Variants in ADD3 observed in about 807,000 individuals in gnomAD.
ADD3 encodes the protein adducin 3, also known as gamma-adducin.
Under a neutral mutation model 80.2 loss-of-function variants are expected in ADD3, and 25 were observed. The ratio of observed to expected loss-of-function variants is 0.31; its 90% CI spans 0.23 to 0.44. The LOEUF is 0.44. Among genes scored for constraint, ADD3 ranks in the 20% least tolerant of loss-of-function variants. ADD3 has a pLI of 1.00. For missense variants in ADD3, 829 were observed against 847.5 expected, an observed-to-expected ratio of 0.98 and a Z score of 0.27; for synonymous variants, 284 against 289.6, an observed-to-expected ratio of 0.98 and a Z score of 0.20.
At chr10:110,118,961 T>C (rs550366743) in intron 6 of ADD3, among the ~76,000 whole-genome samples, 1 of 152,342 alleles carries the variant, frequency 6.6e-6, no homozygotes, top group South Asian at 2.1e-4. Context: ...AATTGGGTCA[T>C]TGAGTTTTTT....
chr10:110,033,574 G>A (rs1467604488), intron 1 of ADD3, among the ~76,000 whole-genome samples: 2 of 152,154 alleles, frequency 1.3e-5, no homozygotes, highest in African/African-American at 4.8e-5. Context: ...AATCAGATGG[G>A]CCCGTTTCTG....
chr10:110,133,642 T>G lies in ADD3; in HGVS notation c.*24T>G. 6.6e-7 allele frequency: 1 copy of G among 1,516,252 alleles called. No homozygotes were observed. Among genetic ancestry groups the G allele is most frequent in the Admixed American group, 2.1e-5 (1 of 47,292 alleles). The allele number at this position is 1,516,252 out of a possible 1,614,324, so 93.9% of individuals were successfully genotyped here. A position where few individuals can be genotyped will look rare whatever the true frequency, so the allele number is the denominator to read the frequency against. On this transcript the variant is annotated 3_prime_UTR_variant, in exon 15 of 15. Coordinates refer to ENST00000356080, the MANE Select transcript of ADD3 (RefSeq NM_016824.5). ...AAATAAAGTCTTTTTATAATTATTA[T>G]TATAACAATGTGACATTGCACATCT...
At chr10:110,095,274 AG>A (rs1293119934) in intron 1 of ADD3, among the ~76,000 whole-genome samples, 2 of 152,226 alleles carry the variant, frequency 1.3e-5, no homozygotes, top group Non-Finnish European at 2.9e-5. Context: ...TATACAATTC[AG>A]TGGTTTTTAA....
intron 1 of ADD3, among the ~76,000 whole-genome samples, chr10:110,033,716 C>G (rs974976752): frequency 2.4e-4 from 36 of 152,242 alleles, no homozygotes; most frequent in African/African-American, 6.7e-4. Context: ...GTATATAGTG[C>G]AAATACTTTG....
At chr10:110,118,526 T>C (rs1024388180) in intron 5 of ADD3, 61 bp from the exon 6 acceptor site, 25 of 1,480,472 alleles carry the variant, frequency 1.7e-5, no homozygotes, top group Non-Finnish European at 2.3e-5. Context: ...TGGTTTAGCT[T>C]GTGAAACACA....
intron 1 of ADD3, among the ~76,000 whole-genome samples, chr10:110,062,998 A>G (rs540244679): frequency 6.6e-6 from 1 of 152,306 alleles, no homozygotes; most frequent in East Asian, 1.9e-4. Context: ...GATTGTGATT[A>G]AGGGAAAAAA....
At chr10:110,015,641 T>C (rs1852888639) in intron 1 of ADD3, among the ~76,000 whole-genome samples, 1 of 152,276 alleles carries the variant, frequency 6.6e-6, no homozygotes, top group East Asian at 1.9e-4. Context: ...CCCAAAGTTC[T>C]GGGATTACAG....
At chr10:110,101,599 T>G (rs1214797169) in intron 2 of ADD3, among the ~76,000 whole-genome samples, 1 of 147,878 alleles carries the variant, frequency 6.8e-6, no homozygotes, top group Non-Finnish European at 1.5e-5. Context: ...ATCATGCCAC[T>G]GCATTCCAGC....
chr10:110,073,254 T>A (rs564718462), intron 1 of ADD3, among the ~76,000 whole-genome samples: 14 of 147,762 alleles, frequency 9.5e-5, no homozygotes, highest in African/African-American at 3.2e-4. Context: ...GCCATTCTCC[T>A]GCCTCAGCCT....
chr10:110,100,847 C>T lies in ADD3; in HGVS notation c.194C>T (p.Pro65Leu), dbSNP rs1848733740. 1 of 1,590,182 alleles carries T rather than the reference C, an allele frequency of 6.3e-7. No individual in the cohort carries two copies. Among genetic ancestry groups the T allele is most frequent in the East Asian group, 2.3e-5 (1 of 43,290 alleles). Reference protein sequence around the residue: ...RKRVTQILQSPAFREDLECLI... With the variant: ...RKRVTQILQSLAFREDLECLI... ...CGAGTTACTCAGATCCTGCAAAGTC[C>T]TGTGAGTTGAATTAGAAGGCTGTAA... The change falls in exon 2 of 15, where the codon CCT becomes CTT. Residue 65 changes from proline (P) to leucine (L), a missense_variant and splice_region_variant. Physicochemically the swap from Pro to Leu is moderately conservative, Grantham distance 98. Transcript: ENST00000356080.
intron 1 of ADD3, among the ~76,000 whole-genome samples, chr10:110,075,158 G>A (rs1845240729): frequency 6.6e-6 from 1 of 152,070 alleles, no homozygotes; most frequent in African/African-American, 2.4e-5. Context: ...CATACTGAGG[G>A]CATGTGGATT....
At chr10:110,125,973 G>T in intron 11 of ADD3, 28 bp downstream of exon 11, 1 of 1,574,708 alleles carries the variant, frequency 6.4e-7, no homozygotes, top group Non-Finnish European at 8.7e-7. Context: ...ATAGCCAGGG[G>T]AGACATTTTA....
rs75733261 is a variant in ADD3 at position 110,088,114 on chromosome 10, C to T, written c.-29-12511C>T. Among the ~76,000 whole-genome samples, 178 of 152,228 alleles carry T rather than the reference C, an allele frequency of 1.2e-3. 1 individual carries two copies. The highest frequency in any genetic ancestry group is 2.1e-3 in the Non-Finnish European group (141 of 68,000). Reference sequence around the variant, plus strand: ...ACTTTCCTCTTATAAAGATACTAGTCGTTGGATTTAGGACTCACCCTAATC... The same window carrying T: ...ACTTTCCTCTTATAAAGATACTAGTTGTTGGATTTAGGACTCACCCTAATC... On this transcript the variant is annotated intron_variant, in intron 1 of 14. Coordinates refer to ENST00000356080, the MANE Select transcript of ADD3 (RefSeq NM_016824.5).
intron 1 of ADD3, among the ~76,000 whole-genome samples, chr10:110,092,555 C>T (rs1378702239): frequency 6.6e-6 from 1 of 152,070 alleles, no homozygotes; most frequent in Non-Finnish European, 1.5e-5. Flanking sequence ...ACAATAGACA[C>T]CCGGTCTACT....
At chr10:110,009,891 A>G (rs1443360916) in intron 1 of ADD3, among the ~76,000 whole-genome samples, 3 of 152,246 alleles carry the variant, frequency 2.0e-5, no homozygotes, top group Non-Finnish European at 4.4e-5. Context: ...TACATTTTAC[A>G]TATATGATAT....
At chr10:110,040,915 GCTCTCTCTCTCTCGCT>G (rs759000473) in intron 1 of ADD3, among the ~76,000 whole-genome samples, 2,681 of 149,336 alleles carry the variant, frequency 0.018, 40 homozygotes, top group African/African-American at 0.041. Flanking sequence ...GCACGCACGC[GCTCTCTCTCTCTCGCT>G]CTCTCTCTCT....
chr10:110,072,468 G>A (rs1844850676), intron 1 of ADD3, among the ~76,000 whole-genome samples: 1 of 152,210 alleles, frequency 6.6e-6, no homozygotes, highest in Admixed American at 6.5e-5. Flanking sequence ...TATACCCAGG[G>A]AACAGACAGT....
chr10:110,106,303 GT>G lies in ADD3; in HGVS notation c.195+5467del, dbSNP rs574693679. On this transcript the variant is annotated intron_variant, in intron 2 of 14. Transcript: ENST00000356080. Reference sequence around the variant, plus strand: ...TTACTGATAAATGAGCCAACATGGAGTTTTTTTTTTTTAAGCATTAATTGAA... The same window carrying G: ...TTACTGATAAATGAGCCAACATGGAGTTTTTTTTTTTAAGCATTAATTGAA... 2.6e-3 allele frequency among the ~76,000 whole-genome samples: 381 copies of G among 144,364 alleles called. 4 individuals are homozygous for G. The highest frequency in any genetic ancestry group is 8.0e-3 in the African/African-American group (320 of 39,776). 94.7% of individuals were successfully genotyped at this position (144,364 alleles called of 152,430 possible). A position where few individuals can be genotyped will look rare whatever the true frequency, so the allele number is the denominator to read the frequency against.
chr10:110,003,893 C>T (rs1197653460), upstream of ADD3, among the ~76,000 whole-genome samples: 1 of 152,076 alleles, frequency 6.6e-6, no homozygotes, highest in Non-Finnish European at 1.5e-5. Flanking sequence ...TTGGACAATG[C>T]AAATTAAAAA....
Sources: gnomAD v4.1 joint callset for allele counts (sites outside exome capture counted in the v4.1 genomes callset) on GRCh38, gnomAD v4.1.1 for gene constraint, MANE v1.5 for transcripts, NCBI Gene and HGNC (gene_info 2026-07-23, HGNC 2026-07-21) for gene names.